ATP2C2: variants seen among roughly 807,000 people sequenced by gnomAD.
ATP2C2 encodes calcium-transporting ATPase type 2C member 2.
ATP2C2 carries 171 observed loss-of-function variants against 110.8 expected under a neutral mutation model. The observed-to-expected ratio is 1.54, with a 90% confidence interval of 1.36 to 1.75. The LOEUF (loss-of-function observed/expected upper bound fraction) is 1.75, where lower values mean the gene tolerates loss of function less well. ATP2C2 is among the 40% of genes most tolerant of loss of function. The probability of loss-of-function intolerance (pLI) is 0.00; values close to 1 mark genes in which losing one functional copy is unlikely to be tolerated. For synonymous variants in ATP2C2, 804 were observed against 508.4 expected (o/e 1.58, Z -7.82); for missense variants, 1,963 against 1,235.0 (o/e 1.59, Z -8.84).
At chr16:84,398,686 C>T (rs1285415340) in intron 2 of ATP2C2, 77 bp downstream of exon 2, 3 of 1,160,728 alleles carry the variant, frequency 2.6e-6, no homozygotes, top group Non-Finnish European at 3.6e-6. Flanking sequence ...AAGCCCTGAA[C>T]AGTGCTTTGA....
In ATP2C2 at chr16:84,462,172, C is replaced by T. The variant is rs1383776297; in HGVS notation, c.2722+43C>T. 2.5e-6 allele frequency: 4 copies of T among 1,584,380 alleles called. No homozygotes were observed. The Admixed American group carries it at 5.2e-5, about 21-fold the overall frequency. On this transcript the variant is annotated intron_variant, in intron 26 of 26. Transcript: ENST00000262429. ...GAACGACAGGTGACCTCGACCAGGG[C>T]CATGGGGGGCGGCAGCTGCCAGGTG...
At chr16:84,370,145 T>C (rs7204229) in intron 1 of ATP2C2, among the ~76,000 whole-genome samples, 15,068 of 93,298 alleles carry the variant, frequency 0.16, 852 homozygotes, top group African/African-American at 0.25. Context: ...TGCAGGTGCA[T>C]GGATGATGTA....
intron 11 of ATP2C2, among the ~76,000 whole-genome samples, chr16:84,429,711 G>A: frequency 6.6e-6 from 1 of 152,140 alleles, no homozygotes; most frequent in East Asian, 1.9e-4. Context: ...GAGGGAGCGT[G>A]AAGCTGAGAT....
At chr16:84,417,249 G>C (rs1027945181) in intron 7 of ATP2C2, among the ~76,000 whole-genome samples, 3 of 152,184 alleles carry the variant, frequency 2.0e-5, no homozygotes, top group African/African-American at 7.2e-5. Context: ...AGGCAGGTGT[G>C]GGGGCTGCCG....
At chr16:84,426,049 G>A (rs1476889439) in intron 11 of ATP2C2, 3 of 346,788 alleles carry the variant, frequency 8.7e-6, no homozygotes, top group Non-Finnish European at 1.5e-5. Context: ...TTCTTGCATT[G>A]CTAAAAAAAA....
intron 15 of ATP2C2, 38 bp from the exon 16 acceptor site, chr16:84,446,291 G>C (rs756316355): frequency 2.3e-6 from 3 of 1,297,214 alleles, no homozygotes; most frequent in Non-Finnish European, 3.2e-6. Flanking sequence ...GATTGGCTTC[G>C]GATGACTCAC....
intron 7 of ATP2C2, among the ~76,000 whole-genome samples, chr16:84,420,637 C>T (rs1478794076): frequency 6.6e-6 from 1 of 152,094 alleles, no homozygotes; most frequent in Admixed American, 6.5e-5. Context: ...CATATTGATG[C>T]CTTCTTGTTA....
At chr16:84,442,679 G>A (rs1236947079) in intron 15 of ATP2C2, 80 bp downstream of exon 15, 2 of 1,358,558 alleles carry the variant, frequency 1.5e-6, no homozygotes, top group South Asian at 2.3e-5. Flanking sequence ...GCTCCTGTCT[G>A]AGCTAACAGG....
At chr16:84,409,971 A>C (rs1313176862) in intron 4 of ATP2C2, among the ~76,000 whole-genome samples, 3 of 152,054 alleles carry the variant, frequency 2.0e-5, no homozygotes, top group Non-Finnish European at 4.4e-5. Context: ...GCACTTTGGG[A>C]GGCCTGGGGG....
intron 6 of ATP2C2, among the ~76,000 whole-genome samples, chr16:84,412,817 C>T (rs79934118): frequency 0.067 from 10,240 of 152,046 alleles, 452 homozygotes; most frequent in East Asian, 0.17. Flanking sequence ...TGTGATCAGC[C>T]GGGCGCGGTG....
In ATP2C2 at chr16:84,375,818, A is replaced by C. The variant is rs1456076497; in HGVS notation, c.99+7104A>C. The stretch of plus-strand genomic sequence containing the variant: ...TCTTTGTAATCTTGTGCATTTTCCA[A>C]ATTTCCAGCCACAAATATGGTTTAA... On this transcript the variant is annotated intron_variant, in intron 1 of 26. Coordinates refer to ENST00000262429, the MANE Select transcript of ATP2C2 (RefSeq NM_014861.4). Among the ~76,000 whole-genome samples, 7 of 152,228 alleles carry C rather than the reference A, an allele frequency of 4.6e-5. 1 individual carries two copies. The highest frequency in any genetic ancestry group is 1.3e-4 in the Admixed American group (2 of 15,280).
intron 1 of ATP2C2, among the ~76,000 whole-genome samples, chr16:84,386,062 A>G (rs1904316648): frequency 6.6e-6 from 1 of 152,134 alleles, no homozygotes; most frequent in Non-Finnish European, 1.5e-5. Flanking sequence ...TTATCCTTTG[A>G]GCACTTCCCT....
intron 21 of ATP2C2, 36 bp from the exon 22 acceptor site, chr16:84,459,084 C>T (rs1312207513): frequency 1.2e-6 from 2 of 1,609,486 alleles, no homozygotes; most frequent in African/African-American, 1.3e-5. Context: ...CTCACGCAGG[C>T]CCGCTCCGTG....
chr16:84,434,457 A>C (rs1908565942), intron 11 of ATP2C2, among the ~76,000 whole-genome samples: 1 of 152,000 alleles, frequency 6.6e-6, no homozygotes, highest in Non-Finnish European at 1.5e-5. Flanking sequence ...CCTATATGTT[A>C]AGTGACATTC....
Position 84,423,381 on chromosome 16 carries a change from T to C in ATP2C2, c.919+118T>C, listed in dbSNP as rs1377773107. The C allele has an allele frequency of 5.2e-6, 5 of 965,630 alleles. No individual in the cohort carries two copies. The Admixed American group carries it at 6.3e-5, about 12-fold the overall frequency. The allele number at this position is 965,630 out of a possible 1,614,324, so 59.8% of individuals were successfully genotyped here. On this transcript the variant is annotated intron_variant, in intron 10 of 26. Coordinates refer to ENST00000262429, the MANE Select transcript of ATP2C2 (RefSeq NM_014861.4). ...TACTCAGCTGCATAAGGCTTGGGGA[T>C]TGGGATCAGAGGCTCTCCACAAGCA... is the stretch of plus-strand genomic sequence containing the variant.
At chr16:84,369,314 A>G (rs1225801857) in intron 1 of ATP2C2, among the ~76,000 whole-genome samples, 1 of 152,164 alleles carries the variant, frequency 6.6e-6, no homozygotes, top group Non-Finnish European at 1.5e-5. Context: ...GAGGGAACGA[A>G]GTGGCAAAGC....
chr16:84,410,397 C>G (rs1466236362), intron 4 of ATP2C2, among the ~76,000 whole-genome samples, 171 bp from the exon 5 acceptor site: 2 of 152,060 alleles, frequency 1.3e-5, no homozygotes, highest in South Asian at 2.1e-4. Context: ...AAGATAGTGT[C>G]AATTTTTTCC....
chr16:84,455,810 C>T (rs1439421941), intron 21 of ATP2C2, among the ~76,000 whole-genome samples: 2 of 147,346 alleles, frequency 1.4e-5, no homozygotes, highest in African/African-American at 5.0e-5. Flanking sequence ...CCATCAATAC[C>T]TAATTTATTG....
intron 15 of ATP2C2, among the ~76,000 whole-genome samples, chr16:84,445,357 T>C (rs1191755469): frequency 6.6e-6 from 1 of 152,020 alleles, no homozygotes; most frequent in Non-Finnish European, 1.5e-5. Flanking sequence ...TACAGGCGCC[T>C]GCCACCACGC....
Sources: allele counts gnomAD v4.1 joint callset (sites outside exome capture counted in the v4.1 genomes callset), GRCh38; gene constraint gnomAD v4.1.1; transcripts MANE v1.5; gene names NCBI Gene and HGNC (gene_info 2026-07-23, HGNC 2026-07-21).